Variants in NPHS1 observed in about 807,000 individuals in gnomAD.
NPHS1 encodes NPHS1 adhesion molecule, nephrin.
In NPHS1, 107 loss-of-function variants were observed where a neutral mutation model predicts 139.7. That is an observed-to-expected ratio of 0.77 (90% CI 0.66 to 0.90). The LOEUF (loss-of-function observed/expected upper bound fraction) is 0.90. Among genes scored for constraint, NPHS1 ranks in the 40% least tolerant of loss-of-function variants. The pLI is 0.00. For synonymous variants in NPHS1, 707 were observed against 706.6 expected (o/e 1.00, Z -0.01); for missense variants, 1,580 against 1,654.2 (o/e 0.96, Z 0.78).
chr19:35,851,755 G>T (rs199997115), intron 1 of NPHS1, 25 bp downstream of exon 1: 179 of 1,555,866 alleles, frequency 1.2e-4, no homozygotes, highest in Non-Finnish European at 4.2e-5. Flanking sequence ...CTTGGCGCTG[G>T]GTACAAGGCT....
chr19:35,848,796 T>C lies in NPHS1; in HGVS notation c.1013-2A>G. On this transcript the variant is annotated splice_acceptor_variant, in intron 8 of 28. Coordinates refer to ENST00000378910, the MANE Select transcript of NPHS1 (RefSeq NM_004646.4). LOFTEE classifies it high-confidence loss of function. ...AGATAATAATGGCACTAGGGGGAAC[T>C]GCAGGGACAGAGAAGGAAGACACTA... 1 of 1,614,174 alleles carries C rather than the reference T, an allele frequency of 6.2e-7. No homozygotes were observed. The highest frequency in any genetic ancestry group is 8.5e-7 in the Non-Finnish European group (1 of 1,180,034).
At chr19:35,828,216 T>C (rs1041410862) in intron 28 of NPHS1, among the ~76,000 whole-genome samples, 2 of 152,202 alleles carry the variant, frequency 1.3e-5, no homozygotes, top group Non-Finnish European at 2.9e-5. Flanking sequence ...GCCTGCCACC[T>C]GCTTTTTTAT....
chr19:35,850,448 T>C lies in NPHS1; in HGVS notation c.527-3A>G. The C allele has an allele frequency of 6.2e-7, 1 of 1,613,870 alleles. No individual in the cohort carries two copies. Among genetic ancestry groups the C allele is most frequent in the Non-Finnish European group, 8.5e-7 (1 of 1,179,808 alleles). ...GATGTCAGATATTGTCTGTCCACCT[T>C]GGGGCAGCAAGAGGGCTAGAGGGGT... is the stretch of plus-strand genomic sequence containing the variant. On this transcript the variant is annotated splice_polypyrimidine_tract_variant and splice_region_variant and intron_variant, in intron 4 of 28. Coordinates refer to ENST00000378910, the MANE Select transcript of NPHS1 (RefSeq NM_004646.4).
rs1599849528 is a variant in NPHS1, at chr19:35,852,176, A to C, written c.-339T>G. Among the ~76,000 whole-genome samples the C allele has an allele frequency of 7.3e-6, 1 of 136,200 alleles. No individual in the cohort carries two copies. The allele number at this position is 136,200 out of a possible 152,430, so 89.4% of individuals were successfully genotyped here. Reference sequence around the variant, plus strand: ...ACTCTTTCCTTCAAGCCATCCTCCCACCTTGGCCTCCCCAAGTGTTGGGAT... The same window carrying C: ...ACTCTTTCCTTCAAGCCATCCTCCCCCCTTGGCCTCCCCAAGTGTTGGGAT... On this transcript the variant is annotated 5_prime_UTR_variant, in exon 1 of 29. Transcript: ENST00000378910.
Position 35,843,476 on chromosome 19 carries a change from C to T in NPHS1, c.2330G>A (p.Arg777Lys), listed in dbSNP as rs774065703. ...CACCAAAGGCTGGATCCTCACCAGTCTCTCCCAGTTGAACATGCCCGGGAG... is the reference window on the plus strand; with the variant it reads ...CACCAAAGGCTGGATCCTCACCAGTTTCTCCCAGTTGAACATGCCCGGGAG... Reference protein sequence around the residue: ...PILPGMFNWERLGEDEEDQSL... With the variant: ...PILPGMFNWEKLGEDEEDQSL... The change falls in exon 17 of 29, where the codon AGA (arginine) becomes AAA (lysine). Residue 777 changes from arginine (R) to lysine (K), a missense_variant. By Grantham distance (26) the Arg-to-Lys change is conservative (BLOSUM62 2). Coordinates refer to ENST00000378910, the MANE Select transcript of NPHS1 (RefSeq NM_004646.4). 1.5e-5 allele frequency: 25 copies of T among 1,614,110 alleles called. No homozygotes were observed. The highest frequency in any genetic ancestry group is 2.1e-5 in the Non-Finnish European group (25 of 1,179,968).
intron 22 of NPHS1, among the ~76,000 whole-genome samples, chr19:35,838,262 A>C (rs1215820597): frequency 7.1e-6 from 1 of 141,402 alleles, no homozygotes; most frequent in Non-Finnish European, 1.6e-5. Flanking sequence ...AAACAAACAA[A>C]CAAAAAGTGG....
Position 35,835,804 on chromosome 19 carries a change from T to C in NPHS1, c.3110-43A>G, listed in dbSNP as rs769435471. On this transcript the variant is annotated intron_variant, in intron 22 of 28. Transcript: ENST00000378910. The stretch of plus-strand genomic sequence containing the variant: ...AGATTGTGACTTAACACTAAGAATC[T>C]GAGATAAGCTTTAAATATTTCTCAG... The C allele has an allele frequency of 3.1e-5, 48 of 1,536,836 alleles. No homozygotes were observed. In the South Asian group the frequency reaches 5.1e-4, roughly 16 times the overall value.
intron 20 of NPHS1, among the ~76,000 whole-genome samples, chr19:35,840,802 C>T (rs987234677): frequency 1.3e-5 from 2 of 150,934 alleles, no homozygotes; most frequent in African/African-American, 2.4e-5. Context: ...AATTCTTCTG[C>T]CTCAGCCTCC....
intron 23 of NPHS1, among the ~76,000 whole-genome samples, chr19:35,834,719 A>G (rs1205923365): frequency 1.3e-5 from 2 of 151,734 alleles, no homozygotes. Flanking sequence ...GTGAAACCTC[A>G]TCTCTACTAA....
intron 5 of NPHS1, 63 bp from the exon 6 acceptor site, chr19:35,849,716 G>A: frequency 8.1e-7 from 1 of 1,238,806 alleles, no homozygotes; most frequent in South Asian, 1.2e-5. Flanking sequence ...GAGTCAGGGA[G>A]AAGAGGTGGG....
intron 23 of NPHS1, among the ~76,000 whole-genome samples, chr19:35,834,541 T>TA (rs60518055): frequency 0.015 from 2,210 of 152,038 alleles, 56 homozygotes; most frequent in African/African-American, 0.05. Flanking sequence ...CTTACGGAAT[T>TA]AAACTAAATT....
intron 17 of NPHS1, among the ~76,000 whole-genome samples, chr19:35,842,792 G>A (rs147903350): frequency 4.6e-5 from 7 of 151,860 alleles, no homozygotes; most frequent in Non-Finnish European, 8.8e-5. Context: ...CCATCTATCC[G>A]TCCATCCATT....
chr19:35,848,431 C>T (rs1048912411), intron 9 of NPHS1, 34 bp from the exon 10 acceptor site: 6 of 1,613,730 alleles, frequency 3.7e-6, no homozygotes, highest in African/African-American at 1.3e-5. Context: ...GTGGGGACTG[C>T]AGCACCCCTA....
chr19:35,835,849 G>T, intron 22 of NPHS1, 88 bp from the exon 23 acceptor site: 1 of 1,172,184 alleles, frequency 8.5e-7, no homozygotes, highest in Non-Finnish European at 1.3e-6. Flanking sequence ...AAGCCTATTA[G>T]ATTCATGGGA....
Position 35,835,769 on chromosome 19 carries a change from G to A in NPHS1, c.3110-8C>T, listed in dbSNP as rs149878139. ...CAGAAGGCTGGTGGAGACCTGGGGG[G>A]TGGATATACAGATTGTGACTTAACA... is the stretch of plus-strand genomic sequence containing the variant. On this transcript the variant is annotated splice_polypyrimidine_tract_variant and splice_region_variant and intron_variant, in intron 22 of 28. Transcript: ENST00000378910. 2.7e-5 allele frequency: 44 copies of A among 1,612,912 alleles called. No homozygotes were observed. In the African/African-American group the frequency reaches 4.1e-4, roughly 15 times the overall value.
chr19:35,826,341 T>G lies in NPHS1; in HGVS notation c.*173A>C, dbSNP rs1009558735. The stretch of plus-strand genomic sequence containing the variant: ...ACCCCAGGATGCACCTTGTTTCTAC[T>G]CTGGTACCAGCTGAACCATCTCTGT... On this transcript the variant is annotated 3_prime_UTR_variant, in exon 29 of 29. Coordinates refer to ENST00000378910, the MANE Select transcript of NPHS1 (RefSeq NM_004646.4). 1 of 707,108 alleles carries G rather than the reference T, an allele frequency of 1.4e-6. No homozygotes were observed. The allele number at this position is 707,108 out of a possible 1,614,324, so 43.8% of individuals were successfully genotyped here. A position where few individuals can be genotyped will look rare whatever the true frequency, so the allele number is the denominator to read the frequency against.
intron 4 of NPHS1, 25 bp downstream of exon 4, chr19:35,850,935 CT>C (rs1389715480): frequency 6.2e-7 from 1 of 1,613,266 alleles, no homozygotes; most frequent in Non-Finnish European, 8.5e-7. Flanking sequence ...ATGCTGCCCC[CT>C]GCCACCCAGT....
intron 4 of NPHS1, 41 bp from the exon 5 acceptor site, chr19:35,850,486 G>T (rs367708212): frequency 9.8e-6 from 15 of 1,534,014 alleles, no homozygotes; most frequent in Admixed American, 1.7e-5. Flanking sequence ...CAGGCTCCCC[G>T]CAAGATAGAT....
chr19:35,825,626 T>C lies in NPHS1; in HGVS notation c.*888A>G, dbSNP rs745654494. Among the ~76,000 whole-genome samples the C allele has an allele frequency of 2.0e-4, 30 of 152,170 alleles. No individual in the cohort carries two copies. Among genetic ancestry groups the C allele is most frequent in the Non-Finnish European group, 4.1e-4 (28 of 68,032 alleles). ...GATTAGTTTTGCCTATTTTAGAATT[T>C]CTATAAACGAAAGCACACACACAGT... On this transcript the variant is annotated 3_prime_UTR_variant, in exon 29 of 29. Coordinates refer to ENST00000378910, the MANE Select transcript of NPHS1 (RefSeq NM_004646.4).
Sources: allele counts gnomAD v4.1 joint callset (sites outside exome capture counted in the v4.1 genomes callset), GRCh38; gene constraint gnomAD v4.1.1; transcripts MANE v1.5; gene names NCBI Gene and HGNC (gene_info 2026-07-23, HGNC 2026-07-21).